The following GLI2 variants were observed in gnomAD, a reference collection of about 807,000 sequenced individuals.
GLI2 encodes the protein transcription activator GLI2.
Under a neutral mutation model 78.9 loss-of-function variants are expected in GLI2, and 22 were observed. The ratio of observed to expected loss-of-function variants is 0.28; its 90% CI spans 0.20 to 0.40. The LOEUF (loss-of-function observed/expected upper bound fraction) is 0.40, where lower values mean the gene tolerates loss of function less well. Among genes scored for constraint, GLI2 ranks in the 10% least tolerant of loss-of-function variants. GLI2 has a pLI of 1.00. For missense variants in GLI2, 2,097 were observed against 2,213.2 expected (o/e 0.95, Z 1.05); for synonymous variants, 974 against 963.7 (o/e 1.01, Z -0.20).
At chr2:120,937,634 C>T (rs539013354) in intron 3 of GLI2, among the ~76,000 whole-genome samples, 1 of 152,348 alleles carries the variant, frequency 6.6e-6, no homozygotes, top group African/African-American at 2.4e-5. Context: ...TCAGGTTGCC[C>T]TGTTCCAATG....
chr2:120,822,186 G>T (rs2104750252), intron 2 of GLI2, among the ~76,000 whole-genome samples: 1 of 152,350 alleles, frequency 6.6e-6, no homozygotes, highest in Admixed American at 6.5e-5. Flanking sequence ...TGTTACAAGG[G>T]TTGAGTGAGC....
chr2:120,754,524 G>A lies in GLI2; in HGVS notation c.-31+18239G>A, dbSNP rs539627275. On this transcript the variant is annotated intron_variant, in intron 1 of 13. Transcript: ENST00000361492. ...TTATAAAAGTGGAACCATACAGGAT[G>A]TCCTCATTTTTGTCTGGCTTCTTTC... Among the ~76,000 whole-genome samples the A allele has an allele frequency of 2.0e-5, 3 of 152,030 alleles. No homozygotes were observed. The South Asian group carries it at 6.2e-4, about 32-fold the overall frequency.
rs1305419146 is a variant in GLI2, at chr2:120,737,103, A to G, written c.-31+818A>G. On this transcript the variant is annotated intron_variant, in intron 1 of 13. Transcript: ENST00000361492. This position sits in a 1 kb window ranked among gnomAD's most constrained non-coding sequence, Gnocchi z 4.3. The stretch of plus-strand genomic sequence containing the variant: ...AATCCACTACTGCAACTTGATCTGT[A>G]TGTGATGGATGGGGAGAGGCGCGGA... Among the ~76,000 whole-genome samples the G allele has an allele frequency of 6.6e-6, 1 of 151,986 alleles. No individual in the cohort carries two copies. The highest frequency in any genetic ancestry group is 2.1e-4 in the South Asian group (1 of 4,822).
intron 2 of GLI2, among the ~76,000 whole-genome samples, chr2:120,830,324 T>C (rs1686296030): frequency 6.6e-6 from 1 of 152,222 alleles, no homozygotes; most frequent in African/African-American, 2.4e-5. Flanking sequence ...CACTGTGCCC[T>C]AGCCCTGTGG....
chr2:120,771,610 T>C (rs1358258688), intron 1 of GLI2, among the ~76,000 whole-genome samples: 1 of 152,196 alleles, frequency 6.6e-6, no homozygotes, highest in Non-Finnish European at 1.5e-5. Context: ...GCCCTTCCAG[T>C]CGGGAGGCTG....
At chr2:120,859,667 A>G (rs1463587249) in intron 2 of GLI2, among the ~76,000 whole-genome samples, 1 of 151,770 alleles carries the variant, frequency 6.6e-6, no homozygotes, top group East Asian at 1.9e-4. Flanking sequence ...GTTGGCCACA[A>G]TGGTCTCCAT....
intron 3 of GLI2, among the ~76,000 whole-genome samples, chr2:120,939,869 C>T (rs1484481499): frequency 6.6e-6 from 1 of 152,234 alleles, no homozygotes; most frequent in Non-Finnish European, 1.5e-5. Context: ...TTTGCTAACA[C>T]TCACTCCCAC....
intron 2 of GLI2, among the ~76,000 whole-genome samples, chr2:120,904,081 A>T (rs1016359529): frequency 6.6e-6 from 1 of 152,082 alleles, no homozygotes; most frequent in Non-Finnish European, 1.5e-5. Flanking sequence ...ATCCCCAGGC[A>T]TGTGTTTATC....
intron 1 of GLI2, among the ~76,000 whole-genome samples, chr2:120,789,964 A>G (rs1027932254): frequency 1.3e-5 from 2 of 152,168 alleles, no homozygotes; most frequent in African/African-American, 4.8e-5. Context: ...CGGGACACCT[A>G]TGTGTGCTTG....
chr2:120,968,658 C>A (rs1681976496), intron 5 of GLI2, 56 bp from the exon 6 acceptor site: 4 of 1,211,086 alleles, frequency 3.3e-6, no homozygotes, highest in Admixed American at 3.4e-5. Flanking sequence ...ACCCACATGT[C>A]ACCCCCTCCC....
intron 8 of GLI2, chr2:120,972,601 A>C: frequency 1.9e-6 from 1 of 517,144 alleles, no homozygotes; most frequent in Non-Finnish European, 3.9e-6. Flanking sequence ...CCCTGTCTGC[A>C]CTCTAAGCTT....
intron 2 of GLI2, among the ~76,000 whole-genome samples, chr2:120,906,833 G>A (rs571621813): frequency 3.9e-5 from 6 of 152,132 alleles, no homozygotes; most frequent in East Asian, 3.9e-4. Context: ...CTGCATCCCC[G>A]CGTGGCAGAG....
intron 2 of GLI2, among the ~76,000 whole-genome samples, chr2:120,831,262 G>C (rs1179042549): frequency 6.6e-6 from 1 of 152,198 alleles, no homozygotes; most frequent in Non-Finnish European, 1.5e-5. Flanking sequence ...AAGACTTGAG[G>C]TTATTCTGGT....
At position 120,806,060 on chromosome 2, in the gene GLI2, C is replaced by A. The variant is rs112298251; in HGVS notation, c.148+8592C>A. Among the ~76,000 whole-genome samples, 385 of 152,228 alleles carry A rather than the reference C, an allele frequency of 2.5e-3. 1 individual carries two copies. Among genetic ancestry groups the A allele is most frequent in the African/African-American group, 8.6e-3 (358 of 41,530 alleles). On this transcript the variant is annotated intron_variant, in intron 2 of 13. Coordinates refer to ENST00000361492, the MANE Select transcript of GLI2 (RefSeq NM_001374353.1). ...AACCTATTTACAACTCAGTATGCGC[C>A]GGAGGGAGAATGGATGGGCCCCTGT...
At chr2:120,790,778 T>C (rs1684131173) in intron 1 of GLI2, among the ~76,000 whole-genome samples, 1 of 152,018 alleles carries the variant, frequency 6.6e-6, no homozygotes. Context: ...TGTACAGTGA[T>C]GGGAAGGTGG....
In GLI2 at chr2:120,974,827, GCACA is replaced by G. The variant is rs1421649424; in HGVS notation, c.1183-142_1183-139del. On this transcript the variant is annotated intron_variant, in intron 8 of 13. Coordinates refer to ENST00000361492, the MANE Select transcript of GLI2 (RefSeq NM_001374353.1). ...GTCTGCATGCATGTGTTGTGTGTGT[GCACA>G]CACACCTGTAACACACACACTTGCA... The G allele has an allele frequency of 3.7e-5, 38 of 1,030,342 alleles. No individual in the cohort carries two copies. In the East Asian group the frequency reaches 8.1e-4, roughly 22 times the overall value. 63.8% of individuals were successfully genotyped at this position (1,030,342 alleles called of 1,614,324 possible).
At position 120,800,653 on chromosome 2, in the gene GLI2, C is replaced by T. The variant is rs1471075557; in HGVS notation, c.148+3185C>T. On this transcript the variant is annotated intron_variant, in intron 2 of 13. Transcript: ENST00000361492. The surrounding 1 kb of genome is among the most constrained non-coding windows in gnomAD (Gnocchi z 4.1). ...CCCAGTAGCTGGGACTACAGGCACCCGCCACCACACCTGGCTAATTTTTTT... is the reference window on the plus strand; with the variant it reads ...CCCAGTAGCTGGGACTACAGGCACCTGCCACCACACCTGGCTAATTTTTTT... 6.6e-6 allele frequency among the ~76,000 whole-genome samples: 1 copy of T among 151,834 alleles called. No homozygotes were observed. Among genetic ancestry groups the T allele is most frequent in the African/African-American group, 2.4e-5 (1 of 41,336 alleles).
At chr2:120,817,310 C>T (rs1685543698) in intron 2 of GLI2, among the ~76,000 whole-genome samples, 1 of 152,188 alleles carries the variant, frequency 6.6e-6, no homozygotes, top group Admixed American at 6.5e-5. Context: ...TGGGGTCTCT[C>T]CCCCAGCTCC....
chr2:120,780,203 C>G (rs530226291), intron 1 of GLI2, among the ~76,000 whole-genome samples: 162 of 152,262 alleles, frequency 1.1e-3, no homozygotes, highest in Non-Finnish European at 2.0e-3. Context: ...GTGCCACACA[C>G]ACTCATAACG....
Sources: gnomAD v4.1 joint callset for allele counts (sites outside exome capture counted in the v4.1 genomes callset) on GRCh38, gnomAD v4.1.1 for gene constraint, Gnocchi (gnomAD v3.1) non-coding constraint, MANE v1.5 for transcripts, NCBI Gene and HGNC (gene_info 2026-07-23, HGNC 2026-07-21) for gene names.